The following RNF213 variants were observed in gnomAD, a reference collection of about 807,000 sequenced individuals.
RNF213 encodes the protein ring finger protein 213.
RNF213 carries 341 observed loss-of-function variants against 514.4 expected under a neutral mutation model. The ratio of observed to expected loss-of-function variants is 0.66; its 90% CI spans 0.61 to 0.73. RNF213 has a LOEUF of 0.73. RNF213 is among the 30% of genes least tolerant of loss of function. The pLI, the probability that RNF213 is intolerant of heterozygous loss-of-function variation, is 0.00. For synonymous variants in RNF213, 2,655 were observed against 2,658.2 expected (o/e 1.00, Z 0.04); for missense variants, 5,767 against 6,615.6 (o/e 0.87, Z 4.45).
Position 80,368,073 on chromosome 17 carries a change from C to T in RNF213, c.12085C>T (p.Gln4029Ter), listed in dbSNP as rs149974667. Residue 4029 changes from glutamine to a stop codon, truncating the protein, a stop_gained, in exon 44 of 68, where the codon CAG becomes TAG. Coordinates refer to ENST00000582970, the MANE Select transcript of RNF213 (RefSeq NM_001256071.3). LOFTEE classifies it high-confidence loss of function. ...CCTCAGGGCCTGGTTTGCCTCAGAG[C>T]AGATGATATGCCCCTACTGTTTAAC... ...RCLRAWFASE[Q>*]MICPYCLTAL... The T allele has an allele frequency of 6.2e-7, 1 of 1,614,168 alleles. No individual in the cohort carries two copies. Among genetic ancestry groups the T allele is most frequent in the Non-Finnish European group, 8.5e-7 (1 of 1,180,060 alleles).
At chr17:80,330,590 C>A (rs951774162) in intron 20 of RNF213, among the ~76,000 whole-genome samples, 11 of 152,344 alleles carry the variant, frequency 7.2e-5, no homozygotes, top group Admixed American at 3.3e-4. Context: ...GTTTCACACC[C>A]CATCCTCCTT....
chr17:80,386,898 C>A lies in RNF213; in HGVS notation c.14922+7C>A, dbSNP rs746014661. 3.7e-5 allele frequency: 60 copies of A among 1,605,952 alleles called. No individual in the cohort carries two copies. The highest frequency in any genetic ancestry group is 4.8e-5 in the Non-Finnish European group (57 of 1,176,964). On this transcript the variant is annotated splice_region_variant and intron_variant, in intron 63 of 67. Transcript: ENST00000582970. The stretch of plus-strand genomic sequence containing the variant: ...GCCCCGGCTGAGCCTCAAGGTAGGG[C>A]TGACTCCTGCCACTGCTGCTCATTT...
chr17:80,388,867 A>C, intron 64 of RNF213, 178 bp downstream of exon 64: 1 of 663,882 alleles, frequency 1.5e-6, no homozygotes, highest in South Asian at 1.7e-5. Flanking sequence ...TGTAGAGTAA[A>C]AGCAGATTGA....
At chr17:80,285,927 C>T (rs138758274) in intron 3 of RNF213, among the ~76,000 whole-genome samples, 3,272 of 152,212 alleles carry the variant, frequency 0.021, 130 homozygotes, top group African/African-American at 0.074. Context: ...CCGCCTGCCT[C>T]GGCCTCCCAA....
At chr17:80,359,345 G>A (rs968887484) in intron 37 of RNF213, among the ~76,000 whole-genome samples, 5 of 151,930 alleles carry the variant, frequency 3.3e-5, no homozygotes, top group African/African-American at 1.2e-4. Flanking sequence ...GGGCAACATA[G>A]TGAGACCCCA....
chr17:80,349,226 C>G (rs957915142), intron 29 of RNF213, among the ~76,000 whole-genome samples: 2 of 152,122 alleles, frequency 1.3e-5, no homozygotes, highest in African/African-American at 4.8e-5. Flanking sequence ...TGATGTCCGC[C>G]GGGGACAGGT....
rs35800595 is a variant in RNF213, at chr17:80,332,725, C to T, written c.4143+94C>T. On this transcript the variant is annotated intron_variant, in intron 21 of 67. Coordinates refer to ENST00000582970, the MANE Select transcript of RNF213 (RefSeq NM_001256071.3). ...GGCTTTGTGGCTTTGAAAAGGGGGG[C>T]GGATGACTTAGAGCTTCCGTCAGGG... 22,189 of 1,380,664 alleles carry T rather than the reference C, an allele frequency of 0.016. 210 individuals are homozygous for T. The highest frequency in any genetic ancestry group is 0.034 in the Middle Eastern group (129 of 3,782). The allele number at this position is 1,380,664 out of a possible 1,614,324, so 85.5% of individuals were successfully genotyped here.
chr17:80,361,548 T>C (rs1265329097), intron 38 of RNF213, among the ~76,000 whole-genome samples, 186 bp from the exon 39 acceptor site: 1 of 151,940 alleles, frequency 6.6e-6, no homozygotes, highest in Admixed American at 6.6e-5. Flanking sequence ...AAGAAAAATA[T>C]CCTAAATGTC....
rs553643132 is a variant in RNF213 at position 80,398,416 on chromosome 17, A to G, written c.*4918A>G. ...GATTTAAGGGAGACTATGGAGTACT[A>G]TGACACCAGGAAAACTTAAAACTTT... is the stretch of plus-strand genomic sequence containing the variant. On this transcript the variant is annotated 3_prime_UTR_variant, in exon 68 of 68. Transcript: ENST00000582970. 2 of 152,178 alleles carry G rather than the reference A, an allele frequency of 1.3e-5. No individual in the cohort carries two copies. Among genetic ancestry groups the G allele is most frequent in the African/African-American group, 2.4e-5 (1 of 41,446 alleles). The allele number at this position is 152,178 out of a possible 1,614,324, so 9.4% of individuals were successfully genotyped here. A position where few individuals can be genotyped will look rare whatever the true frequency, so the allele number is the denominator to read the frequency against.
rs1050256431 is a variant in RNF213, at chr17:80,377,933, T to C, written c.13545+137T>C. On this transcript the variant is annotated intron_variant, in intron 54 of 67. Transcript: ENST00000582970. The surrounding 1 kb of genome is among the most constrained non-coding windows in gnomAD (Gnocchi z 4.1). ...GCTCACCGAGGACTGCCCAGGGTGC[T>C]CTGAGCAGGGCAATGCCAATGGCGC... is the stretch of plus-strand genomic sequence containing the variant. The C allele has an allele frequency of 8.0e-6, 8 of 999,164 alleles. No individual in the cohort carries two copies. The highest frequency in any genetic ancestry group is 6.9e-5 in the Admixed American group (4 of 58,330). The allele number at this position is 999,164 out of a possible 1,614,324, so 61.9% of individuals were successfully genotyped here. A position where few individuals can be genotyped will look rare whatever the true frequency, so the allele number is the denominator to read the frequency against.
intron 22 of RNF213, among the ~76,000 whole-genome samples, chr17:80,335,850 G>A (rs747428368): frequency 2.6e-5 from 4 of 152,004 alleles, no homozygotes; most frequent in East Asian, 1.9e-4. Flanking sequence ...GGTGGTGGGC[G>A]CCAGTAATCC....
chr17:80,318,995 C>T (rs537549318), intron 16 of RNF213, among the ~76,000 whole-genome samples, 195 bp from the exon 17 acceptor site: 33 of 152,142 alleles, frequency 2.2e-4, no homozygotes, highest in Non-Finnish European at 4.6e-4. Context: ...GGAAAAGAGA[C>T]TCTTTTAAAT....
chr17:80,286,052 T>C (rs2143178977), intron 3 of RNF213, among the ~76,000 whole-genome samples: 1 of 152,298 alleles, frequency 6.6e-6, no homozygotes, highest in African/African-American at 2.4e-5. Context: ...AGTGAGGCCC[T>C]GTTTTAGAGT....
chr17:80,323,191 G>A (rs1021495022), intron 17 of RNF213, among the ~76,000 whole-genome samples: 4 of 152,178 alleles, frequency 2.6e-5, no homozygotes, highest in Admixed American at 6.5e-5. Context: ...AAAATCTGTT[G>A]ACGATACATG....
At chr17:80,392,810 G>GA (rs1383143726) in intron 67 of RNF213, among the ~76,000 whole-genome samples, 3 of 151,964 alleles carry the variant, frequency 2.0e-5, no homozygotes, top group Non-Finnish European at 4.4e-5. Context: ...GGCTGGTCTC[G>GA]AACTCCTGAC....
rs1238574226 is a variant in RNF213, at chr17:80,298,318, C to A, written c.2013-3C>A. On this transcript the variant is annotated splice_polypyrimidine_tract_variant and splice_region_variant and intron_variant, in intron 10 of 67. Coordinates refer to ENST00000582970, the MANE Select transcript of RNF213 (RefSeq NM_001256071.3). ...TCACTGCGGGATCTTTATTCCCTTC[C>A]AGCTGGCGGCTGTACCTGGTGAACC... 6.2e-7 allele frequency: 1 copy of A among 1,614,080 alleles called. No individual in the cohort carries two copies. Among genetic ancestry groups the A allele is most frequent in the Non-Finnish European group, 8.5e-7 (1 of 1,179,992 alleles).
chr17:80,307,975 C>T (rs1467169543), intron 13 of RNF213, among the ~76,000 whole-genome samples: 1 of 151,146 alleles, frequency 6.6e-6, no homozygotes, highest in Non-Finnish European at 1.5e-5. Flanking sequence ...AGTCATGATA[C>T]TGCATATGCC....
chr17:80,350,146 G>C (rs948854466), intron 30 of RNF213, among the ~76,000 whole-genome samples, 155 bp from the exon 31 acceptor site: 8 of 151,876 alleles, frequency 5.3e-5, no homozygotes, highest in African/African-American at 1.9e-4. Context: ...GCATTCCTTG[G>C]GTTTCCTCCC....
rs2045970877 is a variant in RNF213, at chr17:80,317,052, G to T, written c.2812-136G>T. ...ACTAGCATGGCTGACTGTTGATGAA[G>T]GTTGGGGAGAGCCCTGGTGTTCGCG... On this transcript the variant is annotated intron_variant, in intron 15 of 67. Coordinates refer to ENST00000582970, the MANE Select transcript of RNF213 (RefSeq NM_001256071.3). The surrounding 1 kb of genome is among the most constrained non-coding windows in gnomAD (Gnocchi z 4.1). 29 of 966,850 alleles carry T rather than the reference G, an allele frequency of 3.0e-5. 2 individuals carry two copies. In the South Asian group the frequency reaches 3.8e-4, roughly 13 times the overall value. 59.9% of individuals were successfully genotyped at this position (966,850 alleles called of 1,614,324 possible). A position where few individuals can be genotyped will look rare whatever the true frequency, so the allele number is the denominator to read the frequency against.
Sources: allele counts gnomAD v4.1 joint callset (sites outside exome capture counted in the v4.1 genomes callset), GRCh38; gene constraint gnomAD v4.1.1; non-coding constraint Gnocchi (gnomAD v3.1); transcripts MANE v1.5; gene names NCBI Gene and HGNC (gene_info 2026-07-23, HGNC 2026-07-21).